Variants in CNTN5 observed in about 807,000 individuals in gnomAD.
CNTN5 encodes the protein contactin-5.
Under a neutral mutation model 129.1 loss-of-function variants are expected in CNTN5, and 77 were observed. The observed-to-expected ratio is 0.60, with a 90% CI of 0.50 to 0.72. The LOEUF is 0.72. Ranked by LOEUF, CNTN5 falls within the 30% of genes least tolerant of loss-of-function variation. CNTN5 has a pLI of 0.00. For missense variants in CNTN5, 1,478 were observed against 1,328.8 expected, an observed-to-expected ratio of 1.11 and a Z score of -1.75; for synonymous variants, 509 against 465.6, an observed-to-expected ratio of 1.09 and a Z score of -1.20.
intron 2 of CNTN5, among the ~76,000 whole-genome samples, chr11:99,395,950 G>A (rs975135154): frequency 1.3e-5 from 2 of 151,890 alleles, no homozygotes; most frequent in African/African-American, 2.4e-5. Flanking sequence ...ATGTAGGCCT[G>A]CAGTATAGTT....
intron 15 of CNTN5, among the ~76,000 whole-genome samples, chr11:100,218,434 T>C (rs1322006234): frequency 6.6e-6 from 1 of 152,220 alleles, no homozygotes; most frequent in African/African-American, 2.4e-5. Context: ...CAATGTTTCA[T>C]AGAATGGGCT....
At chr11:100,056,228 A>G (rs919619529) in intron 9 of CNTN5, among the ~76,000 whole-genome samples, 1 of 151,746 alleles carries the variant, frequency 6.6e-6, no homozygotes, top group Non-Finnish European at 1.5e-5. Context: ...AACGTTCAAT[A>G]TGAAGTTATG....
intron 1 of CNTN5, among the ~76,000 whole-genome samples, chr11:99,160,289 C>G (rs187155747): frequency 1.3e-5 from 2 of 152,226 alleles, no homozygotes; most frequent in Admixed American, 1.3e-4. Context: ...TATGTTATGA[C>G]AACATTTGGG....
intron 3 of CNTN5, among the ~76,000 whole-genome samples, chr11:99,575,568 G>C (rs190696347): frequency 3.3e-5 from 5 of 152,296 alleles, no homozygotes; most frequent in African/African-American, 1.2e-4. Flanking sequence ...ACATGGCAGC[G>C]TAAGAGCATA....
chr11:100,231,908 A>G (rs1326485419), intron 16 of CNTN5, among the ~76,000 whole-genome samples: 6 of 152,168 alleles, frequency 3.9e-5, no homozygotes, highest in Non-Finnish European at 4.4e-5. Flanking sequence ...TATTCCCAGC[A>G]TTTTGGAAGG....
chr11:99,641,952 C>G (rs568820348), intron 3 of CNTN5, among the ~76,000 whole-genome samples: 1 of 152,272 alleles, frequency 6.6e-6, no homozygotes, highest in Admixed American at 6.5e-5. Context: ...GGACTGTACC[C>G]TAGCTCCCCT....
At chr11:99,891,059 T>TA (rs918181291) in intron 6 of CNTN5, among the ~76,000 whole-genome samples, 1 of 152,182 alleles carries the variant, frequency 6.6e-6, no homozygotes, top group Non-Finnish European at 1.5e-5. Flanking sequence ...GACAACAATG[T>TA]AATATGGTCT....
At chr11:99,358,255 A>ATTTTTTTT (rs1186386021) in intron 2 of CNTN5, among the ~76,000 whole-genome samples, 3,315 of 46,740 alleles carry the variant, frequency 0.071, 647 homozygotes, top group African/African-American at 0.18. Context: ...CGCCCTGCTG[A>ATTTTTTTT]TTTTTTTTTT....
At chr11:100,005,791 G>A (rs114393658) in intron 9 of CNTN5, among the ~76,000 whole-genome samples, 255 of 152,170 alleles carry the variant, frequency 1.7e-3, no homozygotes, top group African/African-American at 5.5e-3. Flanking sequence ...ATCACAAAGT[G>A]TAATATTTTA....
intron 9 of CNTN5, among the ~76,000 whole-genome samples, chr11:100,024,635 C>T (rs1405152306): frequency 6.6e-6 from 1 of 152,100 alleles, no homozygotes; most frequent in East Asian, 1.9e-4. Context: ...GAGGTGGTCT[C>T]AGATGGAGAT....
At chr11:99,819,254 C>A (rs549412179) in intron 3 of CNTN5, among the ~76,000 whole-genome samples, 2 of 144,222 alleles carry the variant, frequency 1.4e-5, no homozygotes, top group Non-Finnish European at 1.5e-5. Context: ...TTGCTTTCTT[C>A]CTTCCCTTCT....
intron 1 of CNTN5, among the ~76,000 whole-genome samples, chr11:99,225,604 G>C (rs77664443): frequency 2.6e-5 from 4 of 151,990 alleles, no homozygotes; most frequent in Non-Finnish European, 5.9e-5. Flanking sequence ...AAAATCTTTG[G>C]GGGCACTCCT....
At position 99,503,905 on chromosome 11, in the gene CNTN5, G is replaced by A. The variant is rs183871309; in HGVS notation, c.-70-52240G>A. Among the ~76,000 whole-genome samples the A allele has an allele frequency of 8.0e-3, 1,212 of 152,090 alleles. 6 individuals are homozygous for A. The highest frequency in any genetic ancestry group is 0.011 in the Non-Finnish European group (768 of 67,988). On this transcript the variant is annotated intron_variant, in intron 2 of 24. Coordinates refer to ENST00000524871, the MANE Select transcript of CNTN5 (RefSeq NM_014361.4). Reference sequence around the variant, plus strand: ...ATATGAACCAAATTGAGTTAAATTAGCAAGATACATCGTTTAAATTACAAT... The same window carrying A: ...ATATGAACCAAATTGAGTTAAATTAACAAGATACATCGTTTAAATTACAAT...
chr11:99,919,570 T>G (rs1240577424), intron 7 of CNTN5, among the ~76,000 whole-genome samples: 1 of 152,148 alleles, frequency 6.6e-6, no homozygotes, highest in East Asian at 1.9e-4. Flanking sequence ...TATTTTTGTC[T>G]CTACTCTCTT....
chr11:99,495,139 G>A (rs543202558), intron 2 of CNTN5, among the ~76,000 whole-genome samples: 1 of 152,246 alleles, frequency 6.6e-6, no homozygotes, highest in East Asian at 1.9e-4. Flanking sequence ...GGAGGCTAAG[G>A]CGGCAGATCA....
At chr11:99,848,840 C>G (rs1300375666) in intron 6 of CNTN5, among the ~76,000 whole-genome samples, 1 of 152,168 alleles carries the variant, frequency 6.6e-6, no homozygotes, top group Non-Finnish European at 1.5e-5. Context: ...AATTCAAAGT[C>G]TATTTTTGAG....
chr11:99,242,476 CT>C (rs1268876598), intron 1 of CNTN5, among the ~76,000 whole-genome samples: 2 of 151,544 alleles, frequency 1.3e-5, no homozygotes, highest in East Asian at 3.9e-4. Context: ...TTAGGGCAAA[CT>C]TTTTTTTTCT....
At chr11:99,978,905 A>G (rs1938167846) in intron 8 of CNTN5, among the ~76,000 whole-genome samples, 1 of 152,130 alleles carries the variant, frequency 6.6e-6, no homozygotes, top group Admixed American at 6.5e-5. Context: ...CATTTAAAGA[A>G]ATCTATTTGT....
intron 3 of CNTN5, among the ~76,000 whole-genome samples, chr11:99,813,134 A>C (rs920435178): frequency 1.3e-5 from 2 of 152,112 alleles, no homozygotes; most frequent in Non-Finnish European, 2.9e-5. Context: ...GCATTCATTA[A>C]AAAGTTATTG....
Sources: allele counts gnomAD v4.1 joint callset (sites outside exome capture counted in the v4.1 genomes callset), GRCh38; gene constraint gnomAD v4.1.1; transcripts MANE v1.5; gene names NCBI Gene and HGNC (gene_info 2026-07-23, HGNC 2026-07-21).